The following CCDC171 variants were observed in gnomAD, a reference collection of about 807,000 sequenced individuals.
The protein encoded by CCDC171 is coiled-coil domain-containing protein 171.
Under a neutral mutation model 168.2 loss-of-function variants are expected in CCDC171, and 177 were observed. The observed-to-expected ratio is 1.05, with a 90% CI of 0.93 to 1.19. CCDC171 has a LOEUF of 1.19. Among genes scored for constraint, CCDC171 ranks in the 50% most tolerant of loss-of-function variants. CCDC171 has a pLI of 0.00. For missense variants in CCDC171, 1,991 were observed against 1,539.0 expected (o/e 1.29, Z -4.91); for synonymous variants, 687 against 540.8 (o/e 1.27, Z -3.75).
intron 6 of CCDC171, among the ~76,000 whole-genome samples, chr9:16,030,212 G>A (rs1437205825): frequency 6.6e-6 from 1 of 152,114 alleles, no homozygotes; most frequent in Admixed American, 6.5e-5. Context: ...CAAACATTTA[G>A]ACAACAGCAG....
chr9:15,860,961 T>TGTGTGTGTGTGTGTGTGTGTGA (rs1472834545), intron 23 of CCDC171, among the ~76,000 whole-genome samples: 10 of 151,676 alleles, frequency 6.6e-5, no homozygotes, highest in Admixed American at 2.6e-4. Context: ...TGTGTGTGTG[T>TGTGTGTGTGTGTGTGTGTGTGA]GATAATTGTT....
In CCDC171 at chr9:15,792,406, A is replaced by T. The variant is rs1464863223; in HGVS notation, c.3267+7712A>T. The stretch of plus-strand genomic sequence containing the variant: ...CAAGTTGGAAAACACTCTTCAGGAT[A>T]TTATCCAGGAGAACTTCCCCAACCT... On this transcript the variant is annotated intron_variant, in intron 21 of 25. Coordinates refer to ENST00000380701, the MANE Select transcript of CCDC171 (RefSeq NM_173550.4). Among the ~76,000 whole-genome samples the T allele has an allele frequency of 2.6e-5, 4 of 152,310 alleles. No individual in the cohort carries two copies. In the East Asian group the frequency reaches 7.7e-4, roughly 29 times the overall value.
At chr9:15,965,508 A>G (rs539389163) in intron 25 of CCDC171, among the ~76,000 whole-genome samples, 1 of 152,198 alleles carries the variant, frequency 6.6e-6, no homozygotes, top group Non-Finnish European at 1.5e-5. Context: ...CTGCTCTTTG[A>G]GCCCTAGTCT....
chr9:15,618,383 C>A (rs2044253494), intron 6 of CCDC171, among the ~76,000 whole-genome samples: 1 of 152,200 alleles, frequency 6.6e-6, no homozygotes, highest in South Asian at 2.1e-4. Flanking sequence ...CAAGCTCGAT[C>A]ATCCCAGGTC....
At chr9:15,747,283 G>T (rs1044879052) in intron 18 of CCDC171, among the ~76,000 whole-genome samples, 2 of 152,178 alleles carry the variant, frequency 1.3e-5, no homozygotes, top group Non-Finnish European at 1.5e-5. Flanking sequence ...ATCTTCCTGG[G>T]ACAGAGCCCC....
chr9:15,867,996 ATT>A (rs748085537), intron 23 of CCDC171, among the ~76,000 whole-genome samples: 3 of 152,044 alleles, frequency 2.0e-5, no homozygotes, highest in Non-Finnish European at 4.4e-5. Context: ...CAGCTTGATA[ATT>A]TGATTTGAAT....
At chr9:15,736,880 A>G (rs578052768) in intron 16 of CCDC171, among the ~76,000 whole-genome samples, 2 of 151,756 alleles carry the variant, frequency 1.3e-5, no homozygotes, top group African/African-American at 2.4e-5. Flanking sequence ...GTTTTGCCAT[A>G]TTTTCGCAAG....
At chr9:16,041,956 G>A (rs1833579478), upstream of CCDC171, among the ~76,000 whole-genome samples, 1 of 152,150 alleles carries the variant, frequency 6.6e-6, no homozygotes. Flanking sequence ...GATAAAATCT[G>A]GTATGGGAAT....
chr9:15,566,423 G>T (rs1202624998), intron 2 of CCDC171, among the ~76,000 whole-genome samples: 1 of 152,122 alleles, frequency 6.6e-6, no homozygotes, highest in Non-Finnish European at 1.5e-5. Context: ...GCCAGGCGTG[G>T]TGGTGTGCCT....
At chr9:15,588,450 G>A in intron 4 of CCDC171, 1 of 281,184 alleles carries the variant, frequency 3.6e-6, no homozygotes, top group Middle Eastern at 1.4e-3. Context: ...CTCCTTCAAA[G>A]CCAGAGCGCA....
At position 15,744,643 on chromosome 9, in the gene CCDC171, C is replaced by T; in HGVS notation, c.2420C>T (p.Ala807Val). The change falls in exon 17 of 26, where the codon GCT becomes GTT. Residue 807 changes from alanine to valine, a missense_variant. Physicochemically the swap from Ala to Val is moderately conservative, Grantham distance 64. Coordinates refer to ENST00000380701, the MANE Select transcript of CCDC171 (RefSeq NM_173550.4). ...LIRIFRKGVI[A>V]VLAANRLKIL... The stretch of plus-strand genomic sequence containing the variant: ...CGTATATTTCGGAAAGGTGTTATTG[C>T]TGTTTTGGCAGCAAACAGACTCAAG... 1 of 1,614,156 alleles carries T rather than the reference C, an allele frequency of 6.2e-7. No individual in the cohort carries two copies. Among genetic ancestry groups the T allele is most frequent in the Non-Finnish European group, 8.5e-7 (1 of 1,180,034 alleles).
At chr9:15,740,831 G>T (rs2054827598) in intron 16 of CCDC171, among the ~76,000 whole-genome samples, 1 of 152,104 alleles carries the variant, frequency 6.6e-6, no homozygotes, top group South Asian at 2.1e-4. Flanking sequence ...AGCTTGCCTA[G>T]CTCCAGAAAA....
chr9:15,585,852 T>A (rs933256162), intron 4 of CCDC171, among the ~76,000 whole-genome samples: 2 of 152,138 alleles, frequency 1.3e-5, no homozygotes, highest in Non-Finnish European at 2.9e-5. Flanking sequence ...AGTGCACGCC[T>A]GTAATTTCAA....
Position 15,971,611 on chromosome 9 carries a change from A to G in CCDC171, c.3756A>G (p.Ile1252Met), listed in dbSNP as rs751692370. The change falls in exon 26 of 26, where the codon ATA becomes ATG. Residue 1252 changes from isoleucine (I) to methionine (M), a missense_variant and splice_region_variant. Coordinates refer to ENST00000380701, the MANE Select transcript of CCDC171 (RefSeq NM_173550.4). ...TTTTTTTCTTTTGTATGTCACAGAT[A>G]GGATCACGAGACCATTCAAATCTCT... ...CLRENASLQS[I>M]GSRDHSNLSI... is the part of the protein sequence containing the mutation. 1 of 1,609,766 alleles carries G rather than the reference A, an allele frequency of 6.2e-7. No individual in the cohort carries two copies. Among genetic ancestry groups the G allele is most frequent in the South Asian group, 1.1e-5 (1 of 91,002 alleles).
At chr9:15,580,031 A>G (rs148263449) in intron 4 of CCDC171, among the ~76,000 whole-genome samples, 1 of 152,326 alleles carries the variant, frequency 6.6e-6, no homozygotes, top group African/African-American at 2.4e-5. Context: ...CATGGAGACT[A>G]ATGGAACAGA....
chr9:15,713,435 C>T (rs990236920), intron 11 of CCDC171, among the ~76,000 whole-genome samples: 3 of 152,088 alleles, frequency 2.0e-5, no homozygotes, highest in African/African-American at 7.2e-5. Context: ...GGACTACTTG[C>T]TCATACAACT....
the CCDC171 span, among the ~76,000 whole-genome samples, chr9:16,106,931 C>T: frequency 6.6e-6 from 1 of 152,290 alleles, no homozygotes; most frequent in Non-Finnish European, 1.5e-5. Context: ...CACTGCCCTC[C>T]TGCAAAACCG....
chr9:15,721,857 G>A lies in CCDC171; in HGVS notation c.1407G>A (p.Leu469=), dbSNP rs770920175. 6.5e-7 allele frequency: 1 copy of A among 1,548,098 alleles called. No individual in the cohort carries two copies. ...RRTLTDYQNK[L]EDASNEEKAC... ...CCTTGACAGATTACCAGAACAAGCT[G>A]GAAGATGCATCTAATGAGGTAACAC... is the stretch of plus-strand genomic sequence containing the variant. The change falls in exon 12 of 26, where the codon CTG becomes CTA. Residue 469 remains leucine (L), a synonymous_variant. Coordinates refer to ENST00000380701, the MANE Select transcript of CCDC171 (RefSeq NM_173550.4).
intron 7 of CCDC171, among the ~76,000 whole-genome samples, chr9:15,632,198 G>C (rs1215720238): frequency 6.9e-6 from 1 of 145,038 alleles, no homozygotes; most frequent in Non-Finnish European, 1.5e-5. Flanking sequence ...AGGAAATAAA[G>C]GGTATTCAGT....
Sources: allele counts gnomAD v4.1 joint callset (sites outside exome capture counted in the v4.1 genomes callset), GRCh38; gene constraint gnomAD v4.1.1; transcripts MANE v1.5; gene names NCBI Gene and HGNC (gene_info 2026-07-23, HGNC 2026-07-21).